SLC8A1: variants seen among roughly 807,000 people sequenced by gnomAD.
SLC8A1 encodes solute carrier family 8 member A1, also known as sodium/calcium exchanger 1.
A neutral mutation model predicts 68.3 loss-of-function variants in SLC8A1; 18 were observed. That is an observed-to-expected ratio of 0.26 (90% CI 0.18 to 0.39). The LOEUF (loss-of-function observed/expected upper bound fraction) is 0.39. SLC8A1 is among the 10% of genes least tolerant of loss of function. The pLI is 1.00. For synonymous variants in SLC8A1, 475 were observed against 415.5 expected, an observed-to-expected ratio of 1.14 and a Z score of -1.74; for missense variants, 985 against 1,156.7, an observed-to-expected ratio of 0.85 and a Z score of 2.15.
chr2:40,430,793 G>C (rs970177764), intron 1 of SLC8A1, among the ~76,000 whole-genome samples: 1 of 152,072 alleles, frequency 6.6e-6, no homozygotes, highest in Non-Finnish European at 1.5e-5. Flanking sequence ...TACAATTGAT[G>C]CTTTGAAAAT....
intron 2 of SLC8A1, among the ~76,000 whole-genome samples, chr2:40,269,094 GT>G (rs2065711412): frequency 1.3e-5 from 2 of 152,164 alleles, no homozygotes; most frequent in African/African-American, 4.8e-5. Context: ...ATAATCTGGT[GT>G]TAAAAAGTAG....
At chr2:40,141,291 C>G (rs1050413812) in intron 6 of SLC8A1, among the ~76,000 whole-genome samples, 7 of 152,166 alleles carry the variant, frequency 4.6e-5, no homozygotes, top group Admixed American at 6.5e-5. Context: ...TCTGAAAGCA[C>G]AAGAGATTTG....
chr2:40,201,877 G>A (rs988218979), intron 2 of SLC8A1, among the ~76,000 whole-genome samples: 11 of 151,922 alleles, frequency 7.2e-5, no homozygotes, highest in Non-Finnish European at 1.3e-4. Context: ...GAGGAGTTAA[G>A]ATTTTCTCAG....
intron 2 of SLC8A1, among the ~76,000 whole-genome samples, chr2:40,245,971 C>A (rs533121435): frequency 2.0e-5 from 3 of 152,180 alleles, no homozygotes; most frequent in African/African-American, 7.2e-5. Flanking sequence ...TGAGCTAGGA[C>A]CCTACAGGTC....
intron 2 of SLC8A1, among the ~76,000 whole-genome samples, chr2:40,341,891 A>G (rs912966069): frequency 1.6e-4 from 24 of 152,176 alleles, no homozygotes; most frequent in Non-Finnish European, 2.8e-4. Context: ...CTTTAAGCAA[A>G]TCCTTCCAAA....
chr2:40,469,618 G>A (rs1703893268), intron 1 of SLC8A1, among the ~76,000 whole-genome samples: 1 of 151,936 alleles, frequency 6.6e-6, no homozygotes, highest in East Asian at 1.9e-4. Flanking sequence ...GCAATTTAAT[G>A]TTTGAGGAAA....
chr2:40,480,176 T>C (rs1704541560), intron 1 of SLC8A1, among the ~76,000 whole-genome samples: 2 of 152,046 alleles, frequency 1.3e-5, no homozygotes, highest in Admixed American at 1.3e-4. Flanking sequence ...TCATGAAACA[T>C]TGAAAGAGGA....
At chr2:40,262,219 C>T (rs1377375544) in intron 2 of SLC8A1, among the ~76,000 whole-genome samples, 1 of 152,190 alleles carries the variant, frequency 6.6e-6, no homozygotes, top group South Asian at 2.1e-4. Flanking sequence ...CCTCAGCCTC[C>T]CAAAGTGCTG....
At chr2:40,451,102 C>G (rs535223373) in intron 1 of SLC8A1, among the ~76,000 whole-genome samples, 1 of 152,314 alleles carries the variant, frequency 6.6e-6, no homozygotes, top group Admixed American at 6.5e-5. Context: ...GCTATAAGAC[C>G]GCCCTCTTCT....
At chr2:40,399,196 T>C (rs10490047) in intron 2 of SLC8A1, among the ~76,000 whole-genome samples, 71,971 of 151,892 alleles carry the variant, frequency 0.47, 17,117 homozygotes, top group Admixed American at 0.56. Context: ...AGATTTTTTA[T>C]TAGATTAAGC....
At chr2:40,418,736 A>G (rs1202224473) in intron 2 of SLC8A1, among the ~76,000 whole-genome samples, 1 of 152,216 alleles carries the variant, frequency 6.6e-6, no homozygotes, top group Non-Finnish European at 1.5e-5. Context: ...ATTGCCATGA[A>G]AAACGAATCA....
intron 2 of SLC8A1, among the ~76,000 whole-genome samples, chr2:40,421,815 A>G (rs755581441): frequency 2.0e-5 from 3 of 152,238 alleles, no homozygotes; most frequent in Non-Finnish European, 4.4e-5. Context: ...ATAGTGAAAC[A>G]GCTGTATAAG....
rs909559310 is a variant in SLC8A1, at chr2:40,380,394, T to A, written c.1808+48079A>T. On this transcript the variant is annotated intron_variant, in intron 2 of 7. Coordinates refer to ENST00000406785, the Ensembl canonical transcript of SLC8A1. Reference sequence around the variant, plus strand: ...AGCATAGGCATTAATGTGCAATGGATGTACAGCCTATTCAATTTCTTCATG... The same window carrying A: ...AGCATAGGCATTAATGTGCAATGGAAGTACAGCCTATTCAATTTCTTCATG... Among the ~76,000 whole-genome samples, 4 of 152,284 alleles carry A rather than the reference T, an allele frequency of 2.6e-5. No individual in the cohort carries two copies. In the East Asian group the frequency reaches 7.8e-4, roughly 30 times the overall value.
At chr2:40,425,742 A>T (rs1001419870) in intron 2 of SLC8A1, among the ~76,000 whole-genome samples, 1 of 151,850 alleles carries the variant, frequency 6.6e-6, no homozygotes. Context: ...CACGATGACA[A>T]ACTCTTTCAC....
At chr2:40,437,603 G>C (rs369242192) in intron 1 of SLC8A1, among the ~76,000 whole-genome samples, 1 of 152,220 alleles carries the variant, frequency 6.6e-6, no homozygotes, top group South Asian at 2.1e-4. Flanking sequence ...GGGAGCCAGG[G>C]AGAATGATAC....
chr2:40,206,466 C>G (rs528297585), intron 2 of SLC8A1, among the ~76,000 whole-genome samples: 1 of 151,984 alleles, frequency 6.6e-6, no homozygotes, highest in Non-Finnish European at 1.5e-5. Flanking sequence ...TTTCAGGCAG[C>G]CAAAATGAAG....
In SLC8A1 at chr2:40,357,109, C is replaced by T. The variant is rs546472783; in HGVS notation, c.1808+71364G>A. ...GTAGGAGGCACATGAAAGAGAGTTC[C>T]AGCTTCATCAGAGCAAATAACCTGC... is the stretch of plus-strand genomic sequence containing the variant. On this transcript the variant is annotated intron_variant, in intron 2 of 7. Transcript: ENST00000406785. 2.3e-4 allele frequency among the ~76,000 whole-genome samples: 35 copies of T among 152,258 alleles called. No individual in the cohort carries two copies. In the South Asian group the frequency reaches 7.0e-3, roughly 31 times the overall value.
chr2:40,426,565 A>G (rs1487990391), intron 2 of SLC8A1, among the ~76,000 whole-genome samples: 1 of 152,068 alleles, frequency 6.6e-6, no homozygotes, highest in Non-Finnish European at 1.5e-5. Context: ...TGGTTTGGTA[A>G]AAGTCCTGAA....
At chr2:40,403,730 T>C (rs571178455) in intron 2 of SLC8A1, among the ~76,000 whole-genome samples, 60 of 152,308 alleles carry the variant, frequency 3.9e-4, no homozygotes, top group Middle Eastern at 3.4e-3. Flanking sequence ...ACATTTATTG[T>C]GCAAGATTCA....
Sources: allele counts gnomAD v4.1 joint callset (sites outside exome capture counted in the v4.1 genomes callset), GRCh38; gene constraint gnomAD v4.1.1; transcripts MANE v1.5; gene names NCBI Gene and HGNC (gene_info 2026-07-23, HGNC 2026-07-21).